The following IL1RAPL1 variants were observed in gnomAD, a reference collection of about 807,000 sequenced individuals.
IL1RAPL1 encodes interleukin 1 receptor accessory protein like 1, also known as interleukin-1 receptor accessory protein-like 1.
A neutral mutation model predicts 48.4 loss-of-function variants in IL1RAPL1; 3 were observed. The observed-to-expected ratio is 0.06, with a 90% CI of 0.03 to 0.16. The LOEUF is 0.16. IL1RAPL1 is among the 10% of genes least tolerant of loss of function. The pLI is 1.00. For synonymous variants in IL1RAPL1, 185 were observed against 187.7 expected, an observed-to-expected ratio of 0.99 and a Z score of 0.12; for missense variants, 349 against 530.6, an observed-to-expected ratio of 0.66 and a Z score of 3.36.
chrX:29,673,132 A>G (rs556166526), intron 6 of IL1RAPL1, among the ~76,000 whole-genome samples: 29 of 112,325 alleles, frequency 2.6e-4, no homozygotes, highest in Middle Eastern at 9.3e-3. Context: ...GAAAATGTCC[A>G]TACATTTTAT....
At chrX:29,164,907 T>C (rs1929756993) in intron 2 of IL1RAPL1, among the ~76,000 whole-genome samples, 1 of 111,985 alleles carries the variant, frequency 8.9e-6, no homozygotes, top group South Asian at 3.7e-4. Context: ...TGTGGGAATC[T>C]TTGTCCGTGA....
At chrX:29,343,114 T>C (rs1933105427) in intron 3 of IL1RAPL1, among the ~76,000 whole-genome samples, 1 of 112,278 alleles carries the variant, frequency 8.9e-6, no homozygotes. Context: ...AATATAATTG[T>C]TGATTTCTTC....
At chrX:29,946,108 T>C (rs1434891124) in intron 9 of IL1RAPL1, among the ~76,000 whole-genome samples, 1 of 111,717 alleles carries the variant, frequency 9.0e-6, no homozygotes, top group East Asian at 2.8e-4. Flanking sequence ...AAATAGATAT[T>C]TTCCTTACCC....
intron 2 of IL1RAPL1, among the ~76,000 whole-genome samples, chrX:29,189,474 C>A (rs1930312650): frequency 1.8e-5 from 2 of 110,889 alleles, no homozygotes; most frequent in African/African-American, 6.5e-5. Context: ...CTTATGTTCC[C>A]TAATTATCTT....
At chrX:29,872,451 C>A (rs1313414254) in intron 6 of IL1RAPL1, among the ~76,000 whole-genome samples, 2 of 111,246 alleles carry the variant, frequency 1.8e-5, no homozygotes, top group South Asian at 7.6e-4. Flanking sequence ...TTGTGTCTCC[C>A]CCAAAATTCA....
At chrX:29,462,318 T>A (rs990741661) in intron 5 of IL1RAPL1, among the ~76,000 whole-genome samples, 1 of 111,535 alleles carries the variant, frequency 9.0e-6, no homozygotes, top group Non-Finnish European at 1.9e-5. Context: ...TCACCAGCAT[T>A]CTCACTGGCT....
intron 5 of IL1RAPL1, among the ~76,000 whole-genome samples, chrX:29,586,028 C>T (rs145662387): frequency 0.016 from 1,746 of 110,980 alleles, 90 homozygotes; most frequent in Admixed American, 0.14. Context: ...TTGTTGTTGT[C>T]GTGTAGGAGC....
At chrX:29,847,284 C>T (rs1931269744) in intron 6 of IL1RAPL1, among the ~76,000 whole-genome samples, 1 of 111,603 alleles carries the variant, frequency 9.0e-6, no homozygotes, top group South Asian at 3.8e-4. Flanking sequence ...AAGGAATCTA[C>T]CCATGGCCTA....
At chrX:29,779,377 C>T (rs1388760554) in intron 6 of IL1RAPL1, among the ~76,000 whole-genome samples, 3 of 111,006 alleles carry the variant, frequency 2.7e-5, no homozygotes, top group Non-Finnish European at 5.7e-5. Context: ...ATTCCCAGAC[C>T]CATGCTCTTT....
chrX:29,809,931 C>T (rs1930345733), intron 6 of IL1RAPL1, among the ~76,000 whole-genome samples: 1 of 110,637 alleles, frequency 9.0e-6, no homozygotes, highest in Non-Finnish European at 1.9e-5. Context: ...TCATATTTTG[C>T]TTTCATTCTT....
chrX:29,906,462 TATATATATATATATATATATATA>T, intron 6 of IL1RAPL1, among the ~76,000 whole-genome samples: 1 of 626 alleles, frequency 1.6e-3, no homozygotes, highest in African/African-American at 0.023. Flanking sequence ...ACTTTGTAAA[TATATATATATATATATATATATA>T]TATATATATA....
chrX:28,700,003 T>C (rs1451475016), intron 1 of IL1RAPL1, among the ~76,000 whole-genome samples: 2 of 111,442 alleles, frequency 1.8e-5, no homozygotes, highest in Non-Finnish European at 3.8e-5. Flanking sequence ...TTACAAAACC[T>C]GACATAGAAG....
At position 28,621,529 on chromosome X, in the gene IL1RAPL1, A is replaced by G. The variant is rs768001182; in HGVS notation, c.-25+33482A>G. The stretch of plus-strand genomic sequence containing the variant: ...GACTTAGTCTTTTATGTCTCTTTGT[A>G]TTATGCTACCTTGGAGACCGCATTC... On this transcript the variant is annotated intron_variant, in intron 1 of 10. Coordinates refer to ENST00000378993, the MANE Select transcript of IL1RAPL1 (RefSeq NM_014271.4). 7.2e-5 allele frequency among the ~76,000 whole-genome samples: 8 copies of G among 111,723 alleles called. No individual in the cohort carries two copies. The South Asian group carries it at 2.6e-3, about 37-fold the overall frequency.
intron 1 of IL1RAPL1, among the ~76,000 whole-genome samples, chrX:28,601,879 T>A (rs1934030284): frequency 9.2e-6 from 1 of 108,893 alleles, no homozygotes; most frequent in Admixed American, 9.9e-5. Context: ...CCAAGGTGAG[T>A]GGATCACCTA....
chrX:29,346,668 G>A (rs151154561), intron 3 of IL1RAPL1, among the ~76,000 whole-genome samples: 2 of 112,183 alleles, frequency 1.8e-5, no homozygotes, highest in African/African-American at 6.5e-5. Context: ...TAATTTCCAC[G>A]AGGAAAGGAG....
At chrX:29,473,205 G>C (rs888278323) in intron 5 of IL1RAPL1, among the ~76,000 whole-genome samples, 1 of 111,409 alleles carries the variant, frequency 9.0e-6, no homozygotes, top group Admixed American at 9.6e-5. Context: ...CCCTCTATGT[G>C]TGTCTCTTTG....
chrX:28,728,417 C>T (rs1212152086), intron 1 of IL1RAPL1, among the ~76,000 whole-genome samples: 2 of 111,842 alleles, frequency 1.8e-5, no homozygotes, highest in Non-Finnish European at 3.8e-5. Context: ...CAGATAACCG[C>T]TACTCACCCA....
chrX:29,948,655 G>C (rs962176172), intron 9 of IL1RAPL1, among the ~76,000 whole-genome samples: 1 of 110,350 alleles, frequency 9.1e-6, no homozygotes, highest in Non-Finnish European at 1.9e-5. Flanking sequence ...AATTATCACA[G>C]TTTTCTGTGA....
intron 8 of IL1RAPL1, among the ~76,000 whole-genome samples, chrX:29,925,073 G>C (rs142031521): frequency 0.012 from 1,326 of 111,253 alleles, 22 homozygotes; most frequent in African/African-American, 0.039. Flanking sequence ...GTTACAGTAA[G>C]GTCATAAAAC....
Sources: allele counts gnomAD v4.1 joint callset (sites outside exome capture counted in the v4.1 genomes callset), GRCh38; gene constraint gnomAD v4.1.1; transcripts MANE v1.5; gene names NCBI Gene and HGNC (gene_info 2026-07-23, HGNC 2026-07-21).